ARHGAP12: variants seen among roughly 807,000 people sequenced by gnomAD.
ARHGAP12 encodes the protein rho GTPase-activating protein 12.
In ARHGAP12, 64 loss-of-function variants were observed where a neutral mutation model predicts 108.6. The ratio of observed to expected loss-of-function variants is 0.59; its 90% CI spans 0.48 to 0.73. ARHGAP12 has a LOEUF of 0.73. ARHGAP12 is among the 30% of genes least tolerant of loss of function. The pLI is 0.00. For synonymous variants in ARHGAP12, 312 were observed against 337.2 expected (o/e 0.93, Z 0.82); for missense variants, 940 against 1,005.9 (o/e 0.93, Z 0.89).
At chr10:31,884,324 C>CA (rs34221433) in intron 3 of ARHGAP12, among the ~76,000 whole-genome samples, 1,435 of 138,946 alleles carry the variant, frequency 0.01, 14 homozygotes, top group African/African-American at 0.032. Context: ...ATCTCCCCTC[C>CA]AAAAAAAAAA....
intron 4 of ARHGAP12, among the ~76,000 whole-genome samples, chr10:31,859,172 G>A (rs1564394503): frequency 6.6e-6 from 1 of 152,110 alleles, no homozygotes; most frequent in Non-Finnish European, 1.5e-5. Context: ...AGGAACATGG[G>A]TACCAAGAGA....
At chr10:31,839,612 T>A (rs193239741) in intron 8 of ARHGAP12, 25 bp downstream of exon 8, 1 of 1,560,262 alleles carries the variant, frequency 6.4e-7, no homozygotes. Flanking sequence ...GACTACATTA[T>A]AAGATATGCT....
chr10:31,850,646 C>T (rs1836639712), intron 6 of ARHGAP12, among the ~76,000 whole-genome samples: 2 of 152,054 alleles, frequency 1.3e-5, no homozygotes, highest in African/African-American at 2.4e-5. Context: ...TGGTAACAGT[C>T]GTACTAAGCT....
chr10:31,813,533 C>T (rs1306190508), intron 14 of ARHGAP12, among the ~76,000 whole-genome samples: 1 of 152,054 alleles, frequency 6.6e-6, no homozygotes, highest in Non-Finnish European at 1.5e-5. Flanking sequence ...TGTTAAATTG[C>T]TACCTGTTGA....
rs1834790681 is a variant in ARHGAP12, at chr10:31,805,517, C to G, written c.*2141G>C. 6.6e-6 allele frequency: 1 copy of G among 152,008 alleles called. No homozygotes were observed. The highest frequency in any genetic ancestry group is 2.4e-5 in the African/African-American group (1 of 41,376). The allele number at this position is 152,008 out of a possible 1,614,324, so 9.4% of individuals were successfully genotyped here. ...AAGCTGTCAAGACAGGAAAATATTA[C>G]TAGCTTTGTTATTACAAAACAAGTG... On this transcript the variant is annotated 3_prime_UTR_variant, in exon 20 of 20. Coordinates refer to ENST00000344936, the MANE Select transcript of ARHGAP12 (RefSeq NM_018287.7).
Position 31,908,484 on chromosome 10 carries a change from T to A in ARHGAP12, c.372A>T (p.Gln124His). 6.2e-7 allele frequency: 1 copy of A among 1,614,264 alleles called. No individual in the cohort carries two copies. Among genetic ancestry groups the A allele is most frequent in the African/African-American group, 1.3e-5 (1 of 75,082 alleles). The change falls in exon 3 of 20, where the codon CAA becomes CAT. Residue 124 changes from glutamine (Q) to histidine (H), a missense_variant. Coordinates refer to ENST00000344936, the MANE Select transcript of ARHGAP12 (RefSeq NM_018287.7). ...SSFGKPSSSV[Q>H]GTGLIRDANQ... ...TGGCATCACGAATAAGACCTGTTCCTTGAACAGATGACGATGGCTTTCCGA... is the reference window on the plus strand; with the variant it reads ...TGGCATCACGAATAAGACCTGTTCCATGAACAGATGACGATGGCTTTCCGA...
chr10:31,826,443 C>T (rs749811383), intron 10 of ARHGAP12, 58 bp from the exon 11 acceptor site: 5 of 1,442,076 alleles, frequency 3.5e-6, no homozygotes, highest in African/African-American at 2.9e-5. Flanking sequence ...CAGCCAAATT[C>T]AAAAAATTAA....
rs1309325173 is a variant in ARHGAP12 at position 31,805,944 on chromosome 10, CACA to C, written c.*1711_*1713del. On this transcript the variant is annotated 3_prime_UTR_variant, in exon 20 of 20. Transcript: ENST00000344936. ...TGGTTTGTTATCAATTTAACACGCT[CACA>C]ACAACAAATACAGACTTTCTACCAC... is the stretch of plus-strand genomic sequence containing the variant. 3.3e-5 allele frequency: 5 copies of C among 152,070 alleles called. No homozygotes were observed. The highest frequency in any genetic ancestry group is 1.2e-4 in the African/African-American group (5 of 41,416). The allele number at this position is 152,070 out of a possible 1,614,324, so 9.4% of individuals were successfully genotyped here.
chr10:31,844,645 T>C (rs1836384502), intron 6 of ARHGAP12, among the ~76,000 whole-genome samples: 3 of 151,504 alleles, frequency 2.0e-5, no homozygotes, highest in Admixed American at 6.6e-5. Flanking sequence ...GAGATGTTCC[T>C]GTCCCAGCCA....
chr10:31,854,550 A>G (rs1403738518), intron 4 of ARHGAP12, among the ~76,000 whole-genome samples: 1 of 152,188 alleles, frequency 6.6e-6, no homozygotes, highest in East Asian at 1.9e-4. Context: ...GTGTGTACAC[A>G]TATCTGTGTG....
chr10:31,856,784 A>G (rs1316858453), intron 4 of ARHGAP12, among the ~76,000 whole-genome samples: 1 of 152,212 alleles, frequency 6.6e-6, no homozygotes, highest in South Asian at 2.1e-4. Flanking sequence ...AGTAAGAGTC[A>G]GCAGAAAAAC....
chr10:31,817,151 C>T (rs1027671705), intron 13 of ARHGAP12, among the ~76,000 whole-genome samples: 3 of 151,834 alleles, frequency 2.0e-5, no homozygotes, highest in African/African-American at 7.3e-5. Context: ...TTCAAGGCTG[C>T]AGTGAGCTAT....
intron 3 of ARHGAP12, among the ~76,000 whole-genome samples, chr10:31,895,293 A>G (rs1346178127): frequency 6.6e-6 from 1 of 152,220 alleles, no homozygotes; most frequent in East Asian, 1.9e-4. Context: ...AAAAGAAACT[A>G]CCATCAGAGT....
In ARHGAP12 at chr10:31,854,107, G is replaced by A. The variant is rs144804912; in HGVS notation, c.1048C>T (p.Arg350Cys). Residue 350 changes from arginine to cysteine, a missense_variant, in exon 5 of 20, where the codon CGT becomes TGT. Transcript: ENST00000344936. ...TCACTGGTATATAAGGTATGCCCAC[G>A]TTCATCCAACTCTTCTGACCAACCC... ...PRGWSEELDERGHTLYTSDYT... is the reference protein window; with the variant it reads ...PRGWSEELDECGHTLYTSDYT... The A allele has an allele frequency of 9.2e-5, 149 of 1,613,656 alleles. No homozygotes were observed. The highest frequency in any genetic ancestry group is 7.3e-4 in the African/African-American group (55 of 74,988).
chr10:31,833,640 C>T (rs1230652427), intron 9 of ARHGAP12, among the ~76,000 whole-genome samples: 2 of 152,194 alleles, frequency 1.3e-5, no homozygotes, highest in Non-Finnish European at 2.9e-5. Flanking sequence ...ACACCCAAAA[C>T]GTACAAATAC....
chr10:31,885,263 T>G (rs1838149916), intron 3 of ARHGAP12, among the ~76,000 whole-genome samples: 1 of 152,228 alleles, frequency 6.6e-6, no homozygotes. Context: ...CTTCCTTGAC[T>G]TCTTAACCTG....
intron 1 of ARHGAP12, 41 bp from the exon 2 acceptor site, chr10:31,910,604 C>A (rs770197015): frequency 2.0e-5 from 3 of 152,204 alleles, no homozygotes; most frequent in African/African-American, 4.8e-5. Flanking sequence ...AAACCAAGAT[C>A]GCTGAAGACT....
At chr10:31,926,350 AC>A (rs1212453628) in intron 1 of ARHGAP12, among the ~76,000 whole-genome samples, 18 of 149,168 alleles carry the variant, frequency 1.2e-4, no homozygotes, top group Middle Eastern at 3.5e-3. Context: ...AAAAAAAAAA[AC>A]CACAAGGATA....
At chr10:31,865,894 C>T (rs1036919222) in intron 3 of ARHGAP12, among the ~76,000 whole-genome samples, 1 of 145,176 alleles carries the variant, frequency 6.9e-6, no homozygotes, top group Admixed American at 6.9e-5. Context: ...AAAAAAAAAT[C>T]AGGGCTAAAA....
Sources: gnomAD v4.1 joint callset for allele counts (sites outside exome capture counted in the v4.1 genomes callset) on GRCh38, gnomAD v4.1.1 for gene constraint, MANE v1.5 for transcripts, NCBI Gene and HGNC (gene_info 2026-07-23, HGNC 2026-07-21) for gene names.